PRMT3: variants seen among roughly 807,000 people sequenced by gnomAD.
PRMT3 encodes protein arginine N-methyltransferase 3.
A neutral mutation model predicts 71.9 loss-of-function variants in PRMT3; 62 were observed. That is an observed-to-expected ratio of 0.86 (90% CI 0.70 to 1.07). PRMT3 has a LOEUF of 1.07. Among genes scored for constraint, PRMT3 ranks in the 50% least tolerant of loss-of-function variants. The pLI is 0.00. For synonymous variants in PRMT3, 213 were observed against 220.4 expected (o/e 0.97, Z 0.30); for missense variants, 663 against 643.0 (o/e 1.03, Z -0.34).
intron 8 of PRMT3, among the ~76,000 whole-genome samples, chr11:20,405,169 A>G (rs1004796332): frequency 6.6e-5 from 10 of 151,618 alleles, no homozygotes; most frequent in Non-Finnish European, 1.5e-4. Context: ...TGTGGAGGCC[A>G]TATGGTTTCT....
At chr11:20,391,726 C>T (rs1466873822) in intron 3 of PRMT3, among the ~76,000 whole-genome samples, 1 of 151,960 alleles carries the variant, frequency 6.6e-6, no homozygotes, top group African/African-American at 2.4e-5. Context: ...GTTTTAAATG[C>T]TGCTTCATTT....
chr11:20,395,455 T>G (rs559552100), intron 5 of PRMT3, among the ~76,000 whole-genome samples: 1 of 152,080 alleles, frequency 6.6e-6, no homozygotes, highest in Non-Finnish European at 1.5e-5. Context: ...GCAATTCTTC[T>G]GCCTCAGCCT....
intron 15 of PRMT3, among the ~76,000 whole-genome samples, chr11:20,496,535 T>C (rs911347013): frequency 3.4e-5 from 5 of 147,286 alleles, no homozygotes; most frequent in African/African-American, 1.3e-4. Context: ...CATACACATA[T>C]CTAATACAAG....
At chr11:20,440,495 A>G (rs1019335866) in intron 10 of PRMT3, among the ~76,000 whole-genome samples, 3 of 64,048 alleles carry the variant, frequency 4.7e-5, no homozygotes, top group Admixed American at 1.2e-4. Context: ...AATACAAAAA[A>G]AAAAAAAAAA....
intron 11 of PRMT3, among the ~76,000 whole-genome samples, chr11:20,460,871 A>T (rs1233156873): frequency 1.3e-5 from 2 of 152,086 alleles, no homozygotes; most frequent in East Asian, 3.9e-4. Context: ...AATACATCTC[A>T]TCCTTTCCAT....
chr11:20,443,617 C>T (rs772720093), intron 10 of PRMT3, among the ~76,000 whole-genome samples: 8 of 151,956 alleles, frequency 5.3e-5, no homozygotes, highest in Non-Finnish European at 7.4e-5. Context: ...TTTTTTTCAC[C>T]CACCATGGGG....
At chr11:20,409,347 G>A (rs982928629) in intron 9 of PRMT3, among the ~76,000 whole-genome samples, 4 of 152,026 alleles carry the variant, frequency 2.6e-5, no homozygotes, top group African/African-American at 9.7e-5. Context: ...ACTGTCAAAT[G>A]AAACTTATAA....
intron 11 of PRMT3, among the ~76,000 whole-genome samples, chr11:20,454,588 A>G (rs1039716505): frequency 6.6e-6 from 1 of 152,206 alleles, no homozygotes; most frequent in African/African-American, 2.4e-5. Flanking sequence ...GAAAGTTCAG[A>G]AAAGAGTAAC....
chr11:20,403,932 G>A (rs527474738), intron 8 of PRMT3, among the ~76,000 whole-genome samples: 6 of 151,880 alleles, frequency 4.0e-5, no homozygotes, highest in Admixed American at 1.3e-4. Context: ...GTATTGTTTG[G>A]AATATAATCT....
chr11:20,400,700 A>G (rs996738937), intron 7 of PRMT3, among the ~76,000 whole-genome samples: 2 of 152,124 alleles, frequency 1.3e-5, no homozygotes, highest in Admixed American at 6.5e-5. Context: ...TTTGTAGTAT[A>G]TAACTTTTTT....
intron 13 of PRMT3, among the ~76,000 whole-genome samples, chr11:20,474,127 A>C (rs558971269): frequency 6.6e-6 from 1 of 152,298 alleles, no homozygotes; most frequent in Non-Finnish European, 1.5e-5. Flanking sequence ...AGGTGGCTAG[A>C]GACCCCTTTT....
intron 15 of PRMT3, among the ~76,000 whole-genome samples, chr11:20,498,529 G>C (rs1322453892): frequency 6.6e-6 from 1 of 152,196 alleles, no homozygotes; most frequent in African/African-American, 2.4e-5. Context: ...AGGAGTTCGA[G>C]ACAGGCCTGG....
At chr11:20,488,682 T>G (rs1339596248) in intron 13 of PRMT3, among the ~76,000 whole-genome samples, 1 of 152,196 alleles carries the variant, frequency 6.6e-6, no homozygotes, top group Non-Finnish European at 1.5e-5. Flanking sequence ...TTTAATTTCC[T>G]TCTTCCTCAT....
chr11:20,474,868 A>G (rs899585972), intron 13 of PRMT3, among the ~76,000 whole-genome samples: 2 of 152,342 alleles, frequency 1.3e-5, no homozygotes, highest in South Asian at 2.1e-4. Flanking sequence ...CTTTTCTACT[A>G]TGTCTTGTTT....
intron 13 of PRMT3, among the ~76,000 whole-genome samples, chr11:20,464,956 G>C (rs1850474197): frequency 6.6e-6 from 1 of 152,032 alleles, no homozygotes; most frequent in Admixed American, 6.6e-5. Flanking sequence ...AAAAATTACT[G>C]AACTGCTATT....
intron 13 of PRMT3, among the ~76,000 whole-genome samples, chr11:20,478,235 CTTT>C: frequency 6.6e-6 from 1 of 152,102 alleles, no homozygotes; most frequent in African/African-American, 2.4e-5. Flanking sequence ...GAGTGAGGGT[CTTT>C]TGCAACCTTC....
At chr11:20,437,449 T>C (rs1849784912) in intron 10 of PRMT3, among the ~76,000 whole-genome samples, 1 of 152,128 alleles carries the variant, frequency 6.6e-6, no homozygotes, top group South Asian at 2.1e-4. Context: ...TTGGGAATGG[T>C]GTGGTGAGTA....
chr11:20,482,650 G>A (rs1000633845), intron 13 of PRMT3, among the ~76,000 whole-genome samples: 5 of 151,954 alleles, frequency 3.3e-5, no homozygotes, highest in African/African-American at 9.7e-5. Context: ...GAGTAATGAC[G>A]TATAAGGAAG....
At chr11:20,406,776 G>C (rs929080245) in intron 8 of PRMT3, 1 of 152,076 alleles carries the variant, frequency 6.6e-6, no homozygotes, top group African/African-American at 2.4e-5. Context: ...CAGTGCACAA[G>C]GGTTCCAATT....
Sources: gnomAD v4.1 joint callset for allele counts (sites outside exome capture counted in the v4.1 genomes callset) on GRCh38, gnomAD v4.1.1 for gene constraint, MANE v1.5 for transcripts, NCBI Gene and HGNC (gene_info 2026-07-23, HGNC 2026-07-21) for gene names.